LRP2: variants seen among roughly 807,000 people sequenced by gnomAD.
The protein encoded by LRP2 is LDL receptor related protein 2, also known as low-density lipoprotein receptor-related protein 2.
LRP2 carries 172 observed loss-of-function variants against 531.0 expected under a neutral mutation model. That is an observed-to-expected ratio of 0.32 (90% CI 0.29 to 0.37). The LOEUF is 0.37. Among genes scored for constraint, LRP2 ranks in the 10% least tolerant of loss-of-function variants. The pLI is 1.00. For synonymous variants in LRP2, 1,992 were observed against 2,027.6 expected, an observed-to-expected ratio of 0.98 and a Z score of 0.47; for missense variants, 5,167 against 5,868.3, an observed-to-expected ratio of 0.88 and a Z score of 3.90.
At chr2:169,211,860 G>T in intron 37 of LRP2, 108 bp downstream of exon 37, 1 of 1,420,726 alleles carries the variant, frequency 7.0e-7, no homozygotes, top group Non-Finnish European at 9.9e-7. Context: ...GGAAAGGAAA[G>T]CTTCATTATG....
intron 36 of LRP2, among the ~76,000 whole-genome samples, chr2:169,212,768 G>A (rs1688638824): frequency 6.6e-6 from 1 of 151,756 alleles, no homozygotes; most frequent in Non-Finnish European, 1.5e-5. Flanking sequence ...GGGGACTTGG[G>A]GGAAGGGTGG....
chr2:169,341,553 TA>T (rs1685563214), intron 1 of LRP2, among the ~76,000 whole-genome samples: 1 of 152,198 alleles, frequency 6.6e-6, no homozygotes, highest in African/African-American at 2.4e-5. Context: ...AATATTCTAC[TA>T]AACTGGCAGA....
At chr2:169,331,227 C>G (rs1048216022) in intron 1 of LRP2, among the ~76,000 whole-genome samples, 1 of 152,176 alleles carries the variant, frequency 6.6e-6, no homozygotes, top group African/African-American at 2.4e-5. Flanking sequence ...TTTTCCCGTC[C>G]GTATTCATTA....
At chr2:169,225,213 A>G (rs1689158580) in intron 33 of LRP2, 97 bp downstream of exon 33, 30 of 1,330,802 alleles carry the variant, frequency 2.3e-5, no homozygotes, top group Non-Finnish European at 3.0e-5. Flanking sequence ...TTTTGCTTAA[A>G]AATGATTCCA....
intron 1 of LRP2, among the ~76,000 whole-genome samples, chr2:169,332,024 T>G (rs1272697301): frequency 1.3e-5 from 2 of 152,250 alleles, no homozygotes; most frequent in Non-Finnish European, 2.9e-5. Flanking sequence ...TTTTCCTGAT[T>G]AATTAGGTCC....
chr2:169,196,508 T>C (rs551891556), intron 46 of LRP2, among the ~76,000 whole-genome samples: 4 of 152,162 alleles, frequency 2.6e-5, no homozygotes, highest in Non-Finnish European at 5.9e-5. Context: ...AGAGGATGCA[T>C]GCTCCTAATA....
rs758325460 is a variant in LRP2 at position 169,206,558 on chromosome 2, T to C, written c.7162A>G (p.Asn2388Asp). The C allele has an allele frequency of 6.2e-7, 1 of 1,614,030 alleles. No homozygotes were observed. The highest frequency in any genetic ancestry group is 8.5e-7 in the Non-Finnish European group (1 of 1,180,038). Reference protein sequence around the residue: ...DGKNCAISTENFLIFALSNSL... With the variant: ...DGKNCAISTEDFLIFALSNSL... ...TTAGACAAGGCAAAGATGAGGAAAT[T>C]TTCTGTTGAAATGGCACAATTCTTG... is the stretch of plus-strand genomic sequence containing the variant. The change falls in exon 39 of 79, where the codon AAT becomes GAT. Residue 2388 changes from asparagine (N) to aspartate (D), a missense_variant. Around this residue, in one of 6 missense-constraint regions of LRP2, gnomAD observed 2,811 missense variants for 3,058.0 expected, o/e 0.92. Coordinates refer to ENST00000649046, the MANE Select transcript of LRP2 (RefSeq NM_004525.3).
chr2:169,269,776 G>A (rs144217779), intron 16 of LRP2, among the ~76,000 whole-genome samples: 2,473 of 152,198 alleles, frequency 0.016, 58 homozygotes, highest in African/African-American at 0.057. Context: ...AGACTAAAGA[G>A]CTTCTGCACA....
At chr2:169,169,500 A>G (rs1022905991) in intron 60 of LRP2, among the ~76,000 whole-genome samples, 1 of 152,264 alleles carries the variant, frequency 6.6e-6, no homozygotes, top group East Asian at 1.9e-4. Flanking sequence ...CATTTAAAAT[A>G]GCAAGGAAGT....
intron 1 of LRP2, among the ~76,000 whole-genome samples, chr2:169,328,475 G>GAAAT (rs1246710562): frequency 1.0e-4 from 13 of 129,534 alleles, no homozygotes; most frequent in East Asian, 2.2e-4. Context: ...GAAAAAAAAA[G>GAAAT]AAATAAATAA....
Position 169,185,898 on chromosome 2 carries a change from A to G in LRP2, c.9450T>C (p.Cys3150=). 1 of 1,613,898 alleles carries G rather than the reference A, an allele frequency of 6.2e-7. No individual in the cohort carries two copies. Among genetic ancestry groups the G allele is most frequent in the Non-Finnish European group, 8.5e-7 (1 of 1,179,952 alleles). The change falls in exon 50 of 79, where the codon TGT becomes TGC. Residue 3150 remains cysteine, a synonymous_variant. Coordinates refer to ENST00000649046, the MANE Select transcript of LRP2 (RefSeq NM_004525.3). ...GYKLMSDKRT[C]VDIDECTEMP... ...TCTCTGTGCATTCATCAATATCAACACAAGTCCGCTTGTCAGACATGAGCT... is the reference window on the plus strand; with the variant it reads ...TCTCTGTGCATTCATCAATATCAACGCAAGTCCGCTTGTCAGACATGAGCT...
Position 169,333,628 on chromosome 2 carries a change from TC to T in LRP2, c.80-12745del, listed in dbSNP as rs1685325360. Among the ~76,000 whole-genome samples, 6 of 152,332 alleles carry T rather than the reference TC, an allele frequency of 3.9e-5. No homozygotes were observed. The South Asian group carries it at 1.2e-3, about 32-fold the overall frequency. On this transcript the variant is annotated intron_variant, in intron 1 of 78. Coordinates refer to ENST00000649046, the MANE Select transcript of LRP2 (RefSeq NM_004525.3). ...ATATAGCATAATCATGATTTTAATT[TC>T]CCTATAGAGAAACAAATGTAATGCC...
intron 1 of LRP2, among the ~76,000 whole-genome samples, chr2:169,341,984 T>A (rs865918404): frequency 6.6e-6 from 1 of 152,140 alleles, no homozygotes; most frequent in East Asian, 1.9e-4. Context: ...GGAACTATCC[T>A]GTGTATTGCA....
chr2:169,145,314 T>A (rs1325274640), intron 70 of LRP2, among the ~76,000 whole-genome samples: 3 of 152,226 alleles, frequency 2.0e-5, no homozygotes, highest in African/African-American at 7.2e-5. Context: ...CTGGCCATTT[T>A]AAACTAAGAC....
At chr2:169,186,123 A>C (rs1467744221) in intron 49 of LRP2, 104 bp from the exon 50 acceptor site, 1 of 1,012,596 alleles carries the variant, frequency 9.9e-7, no homozygotes, top group African/African-American at 1.6e-5. Context: ...ATTCTTAATG[A>C]ATCATGCTAA....
In LRP2 at chr2:169,128,735, A is replaced by G; in HGVS notation, c.13896T>C (p.Thr4632=). Reference sequence around the variant, plus strand: ...TGTCTTCTGTTGCAGAATAGGTTGGAGTTGGGTCTCTTCTCGAAGGAGGCT... The same window carrying G: ...TGTCTTCTGTTGCAGAATAGGTTGGGGTTGGGTCTCTTCTCGAAGGAGGCT... The part of the protein sequence containing the change: ...KPKPPSRRDP[T]PTYSATEDTF... The change falls in exon 79 of 79, where the codon ACT becomes ACC. Residue 4632 remains threonine, a synonymous_variant. Coordinates refer to ENST00000649046, the MANE Select transcript of LRP2 (RefSeq NM_004525.3). The G allele has an allele frequency of 6.2e-7, 1 of 1,614,072 alleles. No homozygotes were observed. The highest frequency in any genetic ancestry group is 8.5e-7 in the Non-Finnish European group (1 of 1,179,986).
At chr2:169,188,443 CA>C (rs1211552050) in intron 48 of LRP2, among the ~76,000 whole-genome samples, 178 bp from the exon 49 acceptor site, 1 of 152,158 alleles carries the variant, frequency 6.6e-6, no homozygotes, top group African/African-American at 2.4e-5. Flanking sequence ...CACTAATCGC[CA>C]ATTCTAGAAG....
intron 29 of LRP2, among the ~76,000 whole-genome samples, chr2:169,234,122 GTTTTTAA>G (rs968756116): frequency 3.4e-4 from 51 of 152,188 alleles, no homozygotes; most frequent in South Asian, 1.7e-3. Flanking sequence ...TTTTTAAATT[GTTTTTAA>G]TTTTTTATTT....
At chr2:169,333,883 C>A (rs1011339019) in intron 1 of LRP2, among the ~76,000 whole-genome samples, 2 of 152,198 alleles carry the variant, frequency 1.3e-5, no homozygotes, top group African/African-American at 2.4e-5. Flanking sequence ...CTCCAAACCA[C>A]TTTCAGGCTC....
Sources: gnomAD v4.1 joint callset for allele counts (sites outside exome capture counted in the v4.1 genomes callset) on GRCh38, gnomAD v4.1.1 for gene constraint, gnomAD v4.1.1 regional missense constraint, MANE v1.5 for transcripts, NCBI Gene and HGNC (gene_info 2026-07-23, HGNC 2026-07-21) for gene names.